The following RGPD3 variants were observed in gnomAD, a reference collection of about 807,000 sequenced individuals.
RGPD3 encodes ranBP2-like and GRIP domain-containing protein 3.
A neutral mutation model predicts 154.5 loss-of-function variants in RGPD3; 62 were observed. The ratio of observed to expected loss-of-function variants is 0.40; its 90% CI spans 0.33 to 0.50. RGPD3 has a LOEUF of 0.50. Ranked by LOEUF, RGPD3 falls within the 20% of genes least tolerant of loss-of-function variation. The pLI, the probability that RGPD3 is intolerant of heterozygous loss-of-function variation, is 0.59. For synonymous variants in RGPD3, 308 were observed against 607.0 expected, an observed-to-expected ratio of 0.51 and a Z score of 7.24; for missense variants, 919 against 1,716.8, an observed-to-expected ratio of 0.54 and a Z score of 8.21.
At chr2:106,415,379 T>G (rs538972496) in intron 21 of RGPD3, among the ~76,000 whole-genome samples, 1 of 152,176 alleles carries the variant, frequency 6.6e-6, no homozygotes, top group East Asian at 1.9e-4. Flanking sequence ...ATGTAATAGG[T>G]ATAAAAGAAG....
chr2:106,421,100 C>A (rs1235470407), intron 20 of RGPD3, among the ~76,000 whole-genome samples: 4 of 152,164 alleles, frequency 2.6e-5, no homozygotes, highest in Admixed American at 2.6e-4. Flanking sequence ...TAACAGTACA[C>A]CGTAAGATAC....
In RGPD3 at chr2:106,404,962, G is replaced by C; in HGVS notation, c.*257C>G. On this transcript the variant is annotated 3_prime_UTR_variant, in exon 23 of 23. Coordinates refer to ENST00000409886, the MANE Select transcript of RGPD3 (RefSeq NM_001144013.2). ...GAGATCACATGAGTTAGAGGGCTGT[G>C]GCCTGGTATCAACACTTCAAGCTGT... is the stretch of plus-strand genomic sequence containing the variant. The C allele has an allele frequency of 1.7e-6, 1 of 575,650 alleles. No individual in the cohort carries two copies. Among genetic ancestry groups the C allele is most frequent in the Non-Finnish European group, 3.1e-6 (1 of 320,862 alleles). 35.7% of individuals were successfully genotyped at this position (575,650 alleles called of 1,614,324 possible). A position where few individuals can be genotyped will look rare whatever the true frequency, so the allele number is the denominator to read the frequency against.
chr2:106,466,938 C>A (rs1344954761), intron 1 of RGPD3, among the ~76,000 whole-genome samples: 4 of 114,356 alleles, frequency 3.5e-5, no homozygotes, highest in African/African-American at 1.2e-4. Flanking sequence ...CAGCGCCCGT[C>A]GGGAGCCATG....
chr2:106,420,627 TATC>T (rs1164216305), intron 20 of RGPD3, among the ~76,000 whole-genome samples: 2 of 152,288 alleles, frequency 1.3e-5, no homozygotes, highest in Non-Finnish European at 2.9e-5. Flanking sequence ...TAATGTAAAA[TATC>T]ATTAATTTTT....
chr2:106,466,055 G>T (rs1020191048), intron 1 of RGPD3, among the ~76,000 whole-genome samples: 1 of 151,852 alleles, frequency 6.6e-6, no homozygotes, highest in Admixed American at 6.6e-5. Context: ...GAAGAAACCC[G>T]CCGATACAGC....
intron 18 of RGPD3, 49 bp from the exon 19 acceptor site, chr2:106,426,137 C>T (rs1677189622): frequency 6.3e-7 from 1 of 1,577,936 alleles, no homozygotes. Flanking sequence ...GTCTATACTA[C>T]AGTTAAGACT....
At position 106,403,681 on chromosome 2, in the gene RGPD3, T is replaced by A. The variant is rs556464333; in HGVS notation, c.*1538A>T. Among the ~76,000 whole-genome samples the A allele has an allele frequency of 6.6e-6, 1 of 152,400 alleles. No individual in the cohort carries two copies. The highest frequency in any genetic ancestry group is 1.9e-4 in the East Asian group (1 of 5,174). On this transcript the variant is annotated 3_prime_UTR_variant, in exon 23 of 23. Transcript: ENST00000409886. Reference sequence around the variant, plus strand: ...TTCACAGTTTATAAAGTAAAAAAACTAAACTCTTCATGTCGGCTCTGAAAT... The same window carrying A: ...TTCACAGTTTATAAAGTAAAAAAACAAAACTCTTCATGTCGGCTCTGAAAT...
intron 1 of RGPD3, among the ~76,000 whole-genome samples, chr2:106,462,469 ACTT>A (rs1678432463): frequency 1.3e-5 from 2 of 151,180 alleles, no homozygotes; most frequent in Non-Finnish European, 2.9e-5. Context: ...TTCAAGCAGT[ACTT>A]CTTTGCATGA....
At chr2:106,426,964 C>T (rs1262277729) in intron 18 of RGPD3, among the ~76,000 whole-genome samples, 4 of 151,310 alleles carry the variant, frequency 2.6e-5, no homozygotes, top group African/African-American at 9.7e-5. Flanking sequence ...GGGGAGGAAG[C>T]AGGCACAGAA....
intron 20 of RGPD3, among the ~76,000 whole-genome samples, chr2:106,420,227 A>G (rs2104452067): frequency 7.1e-6 from 1 of 140,578 alleles, no homozygotes; most frequent in African/African-American, 2.6e-5. Context: ...GAATGATACT[A>G]GATAAAATTA....
chr2:106,423,999 T>C lies in RGPD3; in HGVS notation c.3968A>G (p.Asp1323Gly), dbSNP rs752484412. The C allele has an allele frequency of 1.1e-5, 18 of 1,611,664 alleles. No individual in the cohort carries two copies. The highest frequency in any genetic ancestry group is 1.5e-5 in the Non-Finnish European group (18 of 1,179,826). ...ATCTCTCTCTTCTTCTTGAGTAACA[T>C]CAGATTCTTCATCAGTGCCAACTGA... ...GTSVGTDEES[D>G]VTQEEERDGQ... The change falls in exon 20 of 23, where the codon GAT (aspartate) becomes GGT (glycine). Residue 1323 changes from aspartate (D) to glycine (G), a missense_variant. Transcript: ENST00000409886.
At position 106,424,886 on chromosome 2, in the gene RGPD3, G is replaced by A. The variant is rs1205701060; in HGVS notation, c.3081C>T (p.Ala1027=). ...TGTCATCGCTGTCCTCAGTCTTATA[G>A]GCATCATCATCTTTCTCAAAGTCAC... is the stretch of plus-strand genomic sequence containing the variant. ...TSGDFEKDDD[A]YKTEDSDDIH... Residue 1027 remains alanine, a synonymous_variant, in exon 20 of 23, where the codon GCC becomes GCT. Coordinates refer to ENST00000409886, the MANE Select transcript of RGPD3 (RefSeq NM_001144013.2). 6.2e-6 allele frequency: 10 copies of A among 1,611,520 alleles called. No individual in the cohort carries two copies. The highest frequency in any genetic ancestry group is 2.3e-4 in the Middle Eastern group (1 of 4,430).
At chr2:106,468,158 C>T (rs1430608971) in intron 1 of RGPD3, 59 bp downstream of exon 1, 5 of 1,537,630 alleles carry the variant, frequency 3.3e-6, no homozygotes, top group African/African-American at 2.8e-5. Context: ...GCCGCCGGGC[C>T]GGGTCGAGGC....
At chr2:106,467,672 G>A (rs1396422128) in intron 1 of RGPD3, among the ~76,000 whole-genome samples, 40 of 135,040 alleles carry the variant, frequency 3.0e-4, no homozygotes, top group African/African-American at 5.5e-4. Flanking sequence ...CCCGTCGGGA[G>A]CCATGACGCC....
chr2:106,445,280 C>T (rs1677877566), intron 7 of RGPD3, among the ~76,000 whole-genome samples: 1 of 150,274 alleles, frequency 6.7e-6, no homozygotes, highest in Non-Finnish European at 1.5e-5. Context: ...CAGAGTGAGA[C>T]TCCGTCTCAA....
chr2:106,455,160 T>G (rs1456196168), intron 4 of RGPD3, among the ~76,000 whole-genome samples: 4 of 152,034 alleles, frequency 2.6e-5, no homozygotes, highest in Non-Finnish European at 4.4e-5. Context: ...AGAGCAAGAC[T>G]CTGTCTCAAA....
chr2:106,449,149 A>G (rs1000298913), intron 6 of RGPD3, among the ~76,000 whole-genome samples: 2 of 151,916 alleles, frequency 1.3e-5, no homozygotes, highest in Non-Finnish European at 2.9e-5. Flanking sequence ...TTGCTGTTGG[A>G]AAATAGTTAT....
chr2:106,445,188 C>A (rs1393523826), intron 7 of RGPD3, among the ~76,000 whole-genome samples: 1 of 133,214 alleles, frequency 7.5e-6, no homozygotes, highest in South Asian at 2.4e-4. Context: ...ACTCGGGAGG[C>A]TGAGGCAGGA....
In RGPD3 at chr2:106,468,384, G is replaced by A; in HGVS notation, c.-96C>T. 6.5e-7 allele frequency: 1 copy of A among 1,542,594 alleles called. No individual in the cohort carries two copies. The highest frequency in any genetic ancestry group is 1.4e-5 in the African/African-American group (1 of 72,756). ...AGGAAAGCGCCTGAAAGCCACTGAG[G>A]CAGCGGCGTAGCCGGCGGAGGACCA... On this transcript the variant is annotated 5_prime_UTR_variant, in exon 1 of 23. Transcript: ENST00000409886.
Sources: gnomAD v4.1 joint callset for allele counts (sites outside exome capture counted in the v4.1 genomes callset) on GRCh38, gnomAD v4.1.1 for gene constraint, MANE v1.5 for transcripts, NCBI Gene and HGNC (gene_info 2026-07-23, HGNC 2026-07-21) for gene names.